SDCCAG8: variants seen among roughly 807,000 people sequenced by gnomAD.
SDCCAG8 encodes the protein SHH signaling and ciliogenesis regulator SDCCAG8, also known as serologically defined colon cancer antigen 8.
Under a neutral mutation model 101.8 loss-of-function variants are expected in SDCCAG8, and 74 were observed. The ratio of observed to expected loss-of-function variants is 0.73; its 90% confidence interval spans 0.60 to 0.88. The LOEUF is 0.88. Among genes scored for constraint, SDCCAG8 ranks in the 40% least tolerant of loss-of-function variants. The probability of loss-of-function intolerance (pLI) is 0.00; values close to 1 mark genes in which losing one functional copy is unlikely to be tolerated. For missense variants in SDCCAG8, 787 were observed against 822.6 expected (o/e 0.96, Z 0.53); for synonymous variants, 281 against 292.9 (o/e 0.96, Z 0.41).
chr1:243,393,144 T>G (rs1238145965), intron 13 of SDCCAG8, among the ~76,000 whole-genome samples: 10 of 151,984 alleles, frequency 6.6e-5, no homozygotes, highest in African/African-American at 1.9e-4. Context: ...AAAGAGAAAT[T>G]ACAAACAACC....
intron 5 of SDCCAG8, among the ~76,000 whole-genome samples, chr1:243,291,170 C>G (rs1002078757): frequency 6.6e-6 from 1 of 152,154 alleles, no homozygotes. Context: ...TATCCTTTGG[C>G]CCTTAGCAAG....
chr1:243,483,149 A>AG (rs1451361483), intron 16 of SDCCAG8, among the ~76,000 whole-genome samples: 1 of 152,106 alleles, frequency 6.6e-6, no homozygotes, highest in Non-Finnish European at 1.5e-5. Flanking sequence ...GGCGACGGTG[A>AG]GGGGGGTGAA....
intron 16 of SDCCAG8, among the ~76,000 whole-genome samples, chr1:243,466,508 A>G (rs1159103640): frequency 2.0e-5 from 3 of 152,206 alleles, no homozygotes; most frequent in African/African-American, 7.2e-5. Flanking sequence ...GCTACTTAAC[A>G]TGGGAGTAAA....
intron 16 of SDCCAG8, among the ~76,000 whole-genome samples, chr1:243,484,540 G>A (rs773822665): frequency 2.0e-5 from 3 of 152,208 alleles, no homozygotes; most frequent in East Asian, 3.9e-4. Flanking sequence ...CTCAGCATAC[G>A]ACGATCATGA....
intron 9 of SDCCAG8, among the ~76,000 whole-genome samples, chr1:243,319,277 ACTC>A (rs964105553): frequency 3.3e-5 from 5 of 152,006 alleles, no homozygotes; most frequent in Admixed American, 1.3e-4. Context: ...ACCATATCAC[ACTC>A]CTCTTTGAAA....
At position 243,270,220 on chromosome 1, in the gene SDCCAG8, C is replaced by A. The variant is rs1173373139; in HGVS notation, c.183C>A (p.Ala61=). ...SFSTSVGNED[A]RTAWPELQQS... ...GCACCAGTGTGGGAAATGAGGACGCCAGGACAGCCTGGCCCGAATTACAAC... is the reference window on the plus strand; with the variant it reads ...GCACCAGTGTGGGAAATGAGGACGCAAGGACAGCCTGGCCCGAATTACAAC... The change falls in exon 2 of 18, where the codon GCC becomes GCA. Residue 61 remains alanine, a synonymous_variant. Transcript: ENST00000366541. The A allele has an allele frequency of 1.2e-6, 2 of 1,614,120 alleles. No homozygotes were observed. The highest frequency in any genetic ancestry group is 2.7e-5 in the African/African-American group (2 of 75,034).
intron 8 of SDCCAG8, among the ~76,000 whole-genome samples, chr1:243,312,128 C>T (rs1433241576): frequency 6.6e-6 from 1 of 152,188 alleles, no homozygotes; most frequent in Non-Finnish European, 1.5e-5. Flanking sequence ...CTTGGCCTAA[C>T]TTAACTAATG....
intron 16 of SDCCAG8, among the ~76,000 whole-genome samples, chr1:243,471,531 G>A (rs1287890863): frequency 6.6e-6 from 1 of 152,030 alleles, no homozygotes; most frequent in Non-Finnish European, 1.5e-5. Context: ...GGCCCTCCAC[G>A]GGGGGTCCAG....
intron 17 of SDCCAG8, among the ~76,000 whole-genome samples, chr1:243,498,080 G>A (rs557950750): frequency 2.8e-4 from 43 of 152,292 alleles, no homozygotes; most frequent in African/African-American, 9.9e-4. Flanking sequence ...TGTCAAGAGC[G>A]AGGCCACCAG....
chr1:243,279,556 GT>G, intron 4 of SDCCAG8, among the ~76,000 whole-genome samples: 1 of 152,264 alleles, frequency 6.6e-6, no homozygotes, highest in East Asian at 1.9e-4. Flanking sequence ...GCATAATAAC[GT>G]CAAAAAAATC....
chr1:243,320,282 T>G (rs1456972238), intron 9 of SDCCAG8, among the ~76,000 whole-genome samples: 2 of 152,210 alleles, frequency 1.3e-5, no homozygotes, highest in Non-Finnish European at 2.9e-5. Context: ...TCTATTACAC[T>G]TCTTCCTAGC....
intron 1 of SDCCAG8, among the ~76,000 whole-genome samples, chr1:243,262,496 T>C (rs1031123332): frequency 1.3e-5 from 2 of 152,194 alleles, no homozygotes; most frequent in East Asian, 3.8e-4. Context: ...TTCCTACTAC[T>C]GATGAGATAA....
intron 9 of SDCCAG8, among the ~76,000 whole-genome samples, chr1:243,326,876 C>T (rs963829008): frequency 1.1e-4 from 17 of 152,002 alleles, no homozygotes; most frequent in Non-Finnish European, 1.8e-4. Context: ...ATTTTGTTTT[C>T]GAAAATATTT....
chr1:243,470,804 C>A (rs909076750), intron 16 of SDCCAG8, among the ~76,000 whole-genome samples: 2 of 152,122 alleles, frequency 1.3e-5, no homozygotes, highest in Admixed American at 1.3e-4. Flanking sequence ...CCAGAGAGAG[C>A]GAGCTTTGAA....
intron 4 of SDCCAG8, among the ~76,000 whole-genome samples, chr1:243,276,151 G>A (rs190327207): frequency 2.0e-5 from 3 of 152,210 alleles, no homozygotes; most frequent in Non-Finnish European, 2.9e-5. Context: ...TATGAGCCAC[G>A]ATGCCCGGCC....
intron 12 of SDCCAG8, among the ~76,000 whole-genome samples, chr1:243,362,392 G>A (rs557515019): frequency 1.3e-5 from 2 of 152,290 alleles, no homozygotes; most frequent in Non-Finnish European, 2.9e-5. Context: ...TGGATGGATA[G>A]GTAGGTGAAG....
rs568370604 is a variant in SDCCAG8 at position 243,438,562 on chromosome 1, G to A, written c.1985+12004G>A. Among the ~76,000 whole-genome samples, 6 of 151,848 alleles carry A rather than the reference G, an allele frequency of 4.0e-5. No individual in the cohort carries two copies. In the East Asian group the frequency reaches 1.2e-3, roughly 29 times the overall value. On this transcript the variant is annotated intron_variant, in intron 16 of 17. Coordinates refer to ENST00000366541, the MANE Select transcript of SDCCAG8 (RefSeq NM_006642.5). ...TGTGTGTGTCTATGCACACGTGCGC[G>A]TGCACCTGCCTACCTCCTAGTAGGA...
At chr1:243,404,070 T>G (rs368544825) in intron 13 of SDCCAG8, among the ~76,000 whole-genome samples, 4 of 152,344 alleles carry the variant, frequency 2.6e-5, no homozygotes. Flanking sequence ...TCTCTAAACT[T>G]CTGCCTCCTT....
chr1:243,400,046 A>G (rs2079281101), intron 13 of SDCCAG8, among the ~76,000 whole-genome samples: 1 of 152,186 alleles, frequency 6.6e-6, no homozygotes, highest in African/African-American at 2.4e-5. Flanking sequence ...TAGGCTCCCG[A>G]CTACGATTTT....
Sources: gnomAD v4.1 joint callset for allele counts (sites outside exome capture counted in the v4.1 genomes callset) on GRCh38, gnomAD v4.1.1 for gene constraint, MANE v1.5 for transcripts, NCBI Gene and HGNC (gene_info 2026-07-23, HGNC 2026-07-21) for gene names.